Variants in TGS1 observed in about 807,000 individuals in gnomAD.
The protein encoded by TGS1 is trimethylguanosine synthase 1.
In TGS1, 69 loss-of-function variants were observed where a neutral mutation model predicts 92.2. That is an observed-to-expected ratio of 0.75 (90% CI 0.62 to 0.91). The LOEUF (loss-of-function observed/expected upper bound fraction) is 0.91. Ranked by LOEUF, TGS1 falls within the 40% of genes least tolerant of loss-of-function variation. The pLI is 0.00. For synonymous variants in TGS1, 345 were observed against 338.1 expected (o/e 1.02, Z -0.22); for missense variants, 1,062 against 1,001.2 (o/e 1.06, Z -0.82).
At chr8:55,813,148 T>C (rs756077634) in intron 12 of TGS1, 30 bp downstream of exon 12, 5 of 1,476,118 alleles carry the variant, frequency 3.4e-6, no homozygotes, top group South Asian at 1.1e-5. Context: ...CTTCCATGAG[T>C]GTCTGTCTTA....
intron 4 of TGS1, among the ~76,000 whole-genome samples, chr8:55,787,452 T>C (rs1300026348): frequency 6.6e-6 from 1 of 152,208 alleles, no homozygotes; most frequent in Non-Finnish European, 1.5e-5. Flanking sequence ...TATGTGGAAT[T>C]CACTTAGGAC....
At chr8:55,787,110 T>A (rs2130134286) in intron 4 of TGS1, 50 bp downstream of exon 4, 1 of 1,339,490 alleles carries the variant, frequency 7.5e-7, no homozygotes, top group Non-Finnish European at 1.0e-6. Context: ...GCAAAATGAA[T>A]TCATTTAGCA....
intron 1 of TGS1, among the ~76,000 whole-genome samples, chr8:55,775,903 G>C (rs1040878599): frequency 2.0e-5 from 3 of 152,124 alleles, no homozygotes; most frequent in African/African-American, 7.2e-5. Flanking sequence ...CTGTCACCAA[G>C]TGTTTCAGTG....
At chr8:55,820,032 A>G (rs1020261360) in intron 12 of TGS1, among the ~76,000 whole-genome samples, 4 of 152,172 alleles carry the variant, frequency 2.6e-5, no homozygotes, top group African/African-American at 7.2e-5. Context: ...TACCTGGTAC[A>G]ATTATCTTCT....
At chr8:55,809,545 C>T (rs1803284749) in intron 10 of TGS1, among the ~76,000 whole-genome samples, 2 of 151,854 alleles carry the variant, frequency 1.3e-5, no homozygotes, top group Admixed American at 1.3e-4. Context: ...ACTGCAATCT[C>T]CTCCTCCCAG....
intron 10 of TGS1, among the ~76,000 whole-genome samples, chr8:55,808,196 A>C (rs1803232567): frequency 6.6e-6 from 1 of 152,244 alleles, no homozygotes; most frequent in Admixed American, 6.5e-5. Context: ...GTCTCCTGAT[A>C]GCCTAGAGAC....
intron 8 of TGS1, among the ~76,000 whole-genome samples, chr8:55,800,539 G>C (rs1282809325): frequency 3.3e-5 from 5 of 152,092 alleles, no homozygotes; most frequent in Admixed American, 3.3e-4. Flanking sequence ...TTTTTACCTG[G>C]GGTAGTACCA....
chr8:55,777,294 T>G (rs569369799), intron 1 of TGS1, among the ~76,000 whole-genome samples: 157 of 150,854 alleles, frequency 1.0e-3, no homozygotes, highest in Non-Finnish European at 1.7e-3. Flanking sequence ...CAGGTGTTTT[T>G]TTTTTTTTTT....
At chr8:55,803,699 T>G (rs1377513749) in intron 9 of TGS1, among the ~76,000 whole-genome samples, 1 of 151,030 alleles carries the variant, frequency 6.6e-6, no homozygotes, top group African/African-American at 2.4e-5. Context: ...TTTCTTTTTT[T>G]TTTTATTTTT....
chr8:55,794,070 G>A (rs11986863), intron 6 of TGS1, among the ~76,000 whole-genome samples: 2,046 of 152,298 alleles, frequency 0.013, 40 homozygotes, highest in African/African-American at 0.047. Context: ...TGAGGGCATT[G>A]TGTTTTATCA....
At chr8:55,819,621 G>T (rs1477766027) in intron 12 of TGS1, among the ~76,000 whole-genome samples, 1 of 151,930 alleles carries the variant, frequency 6.6e-6, no homozygotes, top group Non-Finnish European at 1.5e-5. Context: ...TTTTTGACCT[G>T]CCACCAGGTG....
intron 8 of TGS1, among the ~76,000 whole-genome samples, chr8:55,801,272 A>G (rs2130185878): frequency 6.6e-6 from 1 of 152,268 alleles, no homozygotes; most frequent in Middle Eastern, 3.4e-3. Flanking sequence ...TAACTCATTC[A>G]TTCATTCTTT....
At chr8:55,801,966 G>T (rs986980872) in intron 8 of TGS1, among the ~76,000 whole-genome samples, 1 of 152,106 alleles carries the variant, frequency 6.6e-6, no homozygotes, top group Non-Finnish European at 1.5e-5. Flanking sequence ...AGGCCAAGGC[G>T]GGTGGATCAC....
chr8:55,822,724 T>G (rs917613603), intron 12 of TGS1, among the ~76,000 whole-genome samples: 1 of 152,158 alleles, frequency 6.6e-6, no homozygotes, highest in Non-Finnish European at 1.5e-5. Flanking sequence ...GGGGTGCTTT[T>G]AATCATTATA....
chr8:55,790,035 C>CA, intron 4 of TGS1, 147 bp from the exon 5 acceptor site: 1 of 632,632 alleles, frequency 1.6e-6, no homozygotes, highest in South Asian at 1.9e-5. Context: ...CATGTAGACA[C>CA]AAACAGGTAG....
At chr8:55,811,214 G>C in intron 11 of TGS1, 117 bp downstream of exon 11, 1 of 826,832 alleles carries the variant, frequency 1.2e-6, no homozygotes, top group Non-Finnish European at 1.9e-6. Context: ...TGTAATCCTA[G>C]CACATTGGGA....
intron 12 of TGS1, among the ~76,000 whole-genome samples, chr8:55,820,317 C>T (rs1305616793): frequency 7.2e-5 from 11 of 152,092 alleles, no homozygotes; most frequent in African/African-American, 1.4e-4. Flanking sequence ...GAGGCCGAGG[C>T]GGGCGGATCA....
intron 2 of TGS1, among the ~76,000 whole-genome samples, chr8:55,785,395 C>T (rs908623803): frequency 1.3e-5 from 2 of 151,826 alleles, no homozygotes; most frequent in African/African-American, 4.8e-5. Flanking sequence ...TTTCTTTTTT[C>T]CTTTAAAAAT....
In TGS1 at chr8:55,795,970, T is replaced by C. The variant is rs758847756; in HGVS notation, c.1368-8T>C. Reference sequence around the variant, plus strand: ...AAGTTGTGAATAACTTCTTTTGATCTGTCACAGATATGGTGGAATCCCAAA... The same window carrying C: ...AAGTTGTGAATAACTTCTTTTGATCCGTCACAGATATGGTGGAATCCCAAA... On this transcript the variant is annotated splice_polypyrimidine_tract_variant and splice_region_variant and intron_variant, in intron 6 of 12. Coordinates refer to ENST00000260129, the MANE Select transcript of TGS1 (RefSeq NM_024831.8). 3.1e-6 allele frequency: 5 copies of C among 1,600,816 alleles called. No homozygotes were observed. The South Asian group carries it at 5.7e-5, about 18-fold the overall frequency.
Sources: allele counts gnomAD v4.1 joint callset (sites outside exome capture counted in the v4.1 genomes callset), GRCh38; gene constraint gnomAD v4.1.1; transcripts MANE v1.5; gene names NCBI Gene and HGNC (gene_info 2026-07-23, HGNC 2026-07-21).